CCR5AS: variants seen among roughly 807,000 people sequenced by gnomAD.
The protein encoded by CCR5AS is CCR5 antisense RNA.
At chr3:46,401,241 G>A (rs1309639535) in intron 1 of CCR5AS, among the ~76,000 whole-genome samples, 1 of 152,210 alleles carries the variant, frequency 6.6e-6, no homozygotes, top group Non-Finnish European at 1.5e-5. Context: ...CAGGAAAATG[G>A]GAGGTAAGAA....
At chr3:46,376,886 G>A (rs1030811266) in intron 2 of CCR5AS, among the ~76,000 whole-genome samples, 7 of 152,142 alleles carry the variant, frequency 4.6e-5, no homozygotes, top group African/African-American at 1.7e-4. Context: ...AGCTGCCCGT[G>A]GTCCTATTTG....
chr3:46,371,699 G>A (rs1469440396), intron 2 of CCR5AS, among the ~76,000 whole-genome samples: 1 of 152,202 alleles, frequency 6.6e-6, no homozygotes, highest in African/African-American at 2.4e-5. Flanking sequence ...ACATTCATCT[G>A]TGGTGGCAGA....
At chr3:46,366,332 T>C (rs773982162) in intron 3 of CCR5AS, among the ~76,000 whole-genome samples, 2 of 152,184 alleles carry the variant, frequency 1.3e-5, no homozygotes, top group Admixed American at 6.5e-5. Context: ...CAGAGCTGAG[T>C]ATAGAGCTCC....
At chr3:46,380,581 T>C (rs149072382) in intron 2 of CCR5AS, among the ~76,000 whole-genome samples, 1,731 of 152,304 alleles carry the variant, frequency 0.011, 35 homozygotes, top group African/African-American at 0.039. Flanking sequence ...GAGACTCTGA[T>C]GTCGTGGGTC....
At chr3:46,389,562 G>T (rs1001352527) in intron 2 of CCR5AS, among the ~76,000 whole-genome samples, 10 of 152,220 alleles carry the variant, frequency 6.6e-5, no homozygotes, top group Non-Finnish European at 1.2e-4. Context: ...CCTGGATCCT[G>T]TGTGAGGACT....
intron 2 of CCR5AS, chr3:46,374,864 G>A (rs1701731053): frequency 1.2e-5 from 2 of 167,388 alleles, no homozygotes; most frequent in African/African-American, 4.8e-5. Context: ...GATGGCCTCT[G>A]CTAAGCTCAA....
At chr3:46,401,866 A>T (rs549457143) in intron 1 of CCR5AS, among the ~76,000 whole-genome samples, 2 of 151,838 alleles carry the variant, frequency 1.3e-5, no homozygotes, top group Non-Finnish European at 2.9e-5. Context: ...ATTTCTCAGA[A>T]TATACTCACT....
At chr3:46,378,529 GC>G (rs1701783988) in intron 2 of CCR5AS, among the ~76,000 whole-genome samples, 2 of 152,082 alleles carry the variant, frequency 1.3e-5, no homozygotes, top group African/African-American at 4.8e-5. Context: ...GCCATGGCAA[GC>G]CTTGGGTCAT....
At chr3:46,365,211 A>G (rs999697625) in intron 3 of CCR5AS, among the ~76,000 whole-genome samples, 1 of 152,198 alleles carries the variant, frequency 6.6e-6, no homozygotes, top group Non-Finnish European at 1.5e-5. Context: ...TGAAGGGAAG[A>G]GTCGACCAAG....
chr3:46,380,086 T>C (rs1314933928), intron 2 of CCR5AS, among the ~76,000 whole-genome samples: 3 of 151,846 alleles, frequency 2.0e-5, no homozygotes, highest in African/African-American at 7.3e-5. Context: ...CAGAAATAAG[T>C]TGAAAAAGTG....
At position 46,386,054 on chromosome 3, in the gene CCR5AS, G is replaced by A. The variant is rs563593212; in HGVS notation, n.391+6771C>T. 1.5e-3 allele frequency among the ~76,000 whole-genome samples: 228 copies of A among 152,174 alleles called. 1 individual carries two copies. Among genetic ancestry groups the A allele is most frequent in the Non-Finnish European group, 2.6e-3 (176 of 68,000 alleles). On this transcript the variant is annotated intron_variant and non_coding_transcript_variant, in intron 2 of 3. Coordinates refer to ENST00000451485, the Ensembl canonical transcript of CCR5AS. ...AGCCCCCCAAGTAGCTGGGAGGACAGACGTGCACCACCACACCTGGCTAAT... is the reference window on the plus strand; with the variant it reads ...AGCCCCCCAAGTAGCTGGGAGGACAAACGTGCACCACCACACCTGGCTAAT...
chr3:46,373,708 G>A (rs184279915), intron 2 of CCR5AS: 23 of 1,613,962 alleles, frequency 1.4e-5, no homozygotes, highest in Middle Eastern at 1.6e-4. Context: ...CTGAATAATT[G>A]CAGTAGCTCT....
At chr3:46,400,417 A>G (rs1701996917) in intron 1 of CCR5AS, among the ~76,000 whole-genome samples, 2 of 152,228 alleles carry the variant, frequency 1.3e-5, no homozygotes, top group South Asian at 4.1e-4. Flanking sequence ...AGACTACTGG[A>G]TCTCAGCTAG....
chr3:46,384,177 G>A (rs1392622404), intron 2 of CCR5AS, among the ~76,000 whole-genome samples: 1 of 152,248 alleles, frequency 6.6e-6, no homozygotes, highest in African/African-American at 2.4e-5. Context: ...ACGAGCTTGA[G>A]GAAGTGGTGT....
chr3:46,389,100 G>T (rs988590239), intron 2 of CCR5AS, among the ~76,000 whole-genome samples: 12 of 149,372 alleles, frequency 8.0e-5, no homozygotes, highest in Non-Finnish European at 1.8e-4. Flanking sequence ...CCAAATAGTG[G>T]GGGTGACTGC....
At chr3:46,397,176 G>T (rs923039569) in intron 1 of CCR5AS, among the ~76,000 whole-genome samples, 7 of 151,848 alleles carry the variant, frequency 4.6e-5, no homozygotes, top group Non-Finnish European at 1.0e-4. Flanking sequence ...GAGCCAGGCC[G>T]GGTGCTCTTG....
chr3:46,388,745 G>A (rs1363786124), intron 2 of CCR5AS, among the ~76,000 whole-genome samples: 1 of 152,232 alleles, frequency 6.6e-6, no homozygotes, highest in African/African-American at 2.4e-5. Flanking sequence ...GGCTAGGAGA[G>A]AGTGAGTGAG....
intron 1 of CCR5AS, among the ~76,000 whole-genome samples, chr3:46,398,335 C>T (rs1701978583): frequency 6.6e-6 from 1 of 152,066 alleles, no homozygotes; most frequent in African/African-American, 2.4e-5. Flanking sequence ...GAAAATAATC[C>T]CCAGTCAAGA....
intron 1 of CCR5AS, among the ~76,000 whole-genome samples, chr3:46,403,295 C>T (rs531876926): frequency 1.3e-5 from 2 of 152,292 alleles, no homozygotes; most frequent in African/African-American, 2.4e-5. Context: ...TGATCTAATA[C>T]CTATTTCTCA....
Sources: gnomAD v4.1 joint callset for allele counts (sites outside exome capture counted in the v4.1 genomes callset) on GRCh38, gnomAD v4.1.1 for gene constraint, MANE v1.5 for transcripts, NCBI Gene and HGNC (gene_info 2026-07-23, HGNC 2026-07-21) for gene names.